SIRPB2: variants seen among roughly 807,000 people sequenced by gnomAD.
The protein encoded by SIRPB2 is signal-regulatory protein beta-2.
A neutral mutation model predicts 27.1 loss-of-function variants in SIRPB2; 18 were observed. The observed-to-expected ratio is 0.66, with a 90% confidence interval of 0.46 to 0.98. The LOEUF (loss-of-function observed/expected upper bound fraction) is 0.98, where lower values mean the gene tolerates loss of function less well. Ranked by LOEUF, SIRPB2 falls within the 50% of genes least tolerant of loss-of-function variation. The probability of loss-of-function intolerance (pLI) is 0.00; values close to 1 mark genes in which losing one functional copy is unlikely to be tolerated. For synonymous variants in SIRPB2, 150 were observed against 164.6 expected (o/e 0.91, Z 0.68); for missense variants, 420 against 417.4 (o/e 1.01, Z -0.06).
rs879068143 is a variant in SIRPB2 at position 1,476,195 on chromosome 20, G to C, written c.1001C>G (p.Thr334Ser). 6.2e-7 allele frequency: 1 copy of C among 1,614,058 alleles called. No homozygotes were observed. Among genetic ancestry groups the C allele is most frequent in the South Asian group, 1.1e-5 (1 of 91,068 alleles). ...CTCTTGACCCTTGCTCCATGCTAAGGTGTTCATGGCTCCTGCTGGGCCTGT... is the reference window on the plus strand; with the variant it reads ...CTCTTGACCCTTGCTCCATGCTAAGCTGTTCATGGCTCCTGCTGGGCCTGT... ...KTTGPAGAMNTLAWSKGQE is the reference protein window; with the variant it reads ...KTTGPAGAMNSLAWSKGQE Residue 334 changes from threonine (T) to serine (S), a missense_variant, in exon 5 of 5, where the codon ACC (threonine) becomes AGC (serine). Coordinates refer to ENST00000359801, the MANE Select transcript of SIRPB2 (RefSeq NM_001122962.2).
intron 1 of SIRPB2, among the ~76,000 whole-genome samples, chr20:1,480,687 C>G (rs2090663071): frequency 6.6e-6 from 1 of 152,130 alleles, no homozygotes; most frequent in African/African-American, 2.4e-5. Context: ...GACAAACCAG[C>G]CCTGCAGACA....
chr20:1,476,723 T>TG (rs2090609652), intron 4 of SIRPB2: 1 of 1,048,680 alleles, frequency 9.5e-7, no homozygotes, highest in African/African-American at 1.7e-5. Flanking sequence ...CCAGGCCGTC[T>TG]GGCCCCCATG....
At chr20:1,489,894 T>C (rs1222419585) in intron 1 of SIRPB2, among the ~76,000 whole-genome samples, 1 of 152,166 alleles carries the variant, frequency 6.6e-6, no homozygotes, top group Non-Finnish European at 1.5e-5. Context: ...CAAAAACTAT[T>C]GAGCAACACA....
In SIRPB2 at chr20:1,479,770, A is replaced by C. The variant is rs781677469; in HGVS notation, c.381T>G (p.Cys127Trp). ...VTREHTGTYH[C>W]VRFDGLSEHS... is the part of the protein sequence containing the mutation. ...GTTCACTCAAACCATCAAACCTCAC[A>C]CAGTGGTAGGTTCCAGTGTGCTCCC... Residue 127 changes from cysteine to tryptophan, a missense_variant, in exon 2 of 5, where the codon TGT becomes TGG. By Grantham distance (215) the Cys-to-Trp change is radical. Coordinates refer to ENST00000359801, the MANE Select transcript of SIRPB2 (RefSeq NM_001122962.2). 1 of 1,614,190 alleles carries C rather than the reference A, an allele frequency of 6.2e-7. No homozygotes were observed.
intron 2 of SIRPB2, 38 bp from the exon 3 acceptor site, chr20:1,478,645 C>T (rs764966552): frequency 8.8e-6 from 13 of 1,479,356 alleles, no homozygotes; most frequent in Non-Finnish European, 1.2e-5. Context: ...AATTCCCTCT[C>T]CTCTTCCATC....
chr20:1,472,367 A>G (rs1001212955), downstream of SIRPB2, among the ~76,000 whole-genome samples: 10 of 152,148 alleles, frequency 6.6e-5, no homozygotes, highest in African/African-American at 2.4e-4. Context: ...CTCCCCTGCC[A>G]TGTCCCTATA....
In SIRPB2 at chr20:1,491,252, G is replaced by A; in HGVS notation, c.85+23C>T. Reference sequence around the variant, plus strand: ...GACTGACCAGCCGGGGGTGGACCCTGTTCTATCCTAGACCCCACTTACCTG... The same window carrying A: ...GACTGACCAGCCGGGGGTGGACCCTATTCTATCCTAGACCCCACTTACCTG... On this transcript the variant is annotated intron_variant, in intron 1 of 4. Transcript: ENST00000359801. The A allele has an allele frequency of 3.1e-6, 5 of 1,601,380 alleles. 1 individual carries two copies. The highest frequency in any genetic ancestry group is 1.7e-4 in the Middle Eastern group (1 of 6,022).
rs374160845 is a variant in SIRPB2 at position 1,479,856 on chromosome 20, T to C, written c.295A>G (p.Ile99Val). The C allele has an allele frequency of 2.5e-6, 4 of 1,614,244 alleles. No individual in the cohort carries two copies. Among genetic ancestry groups the C allele is most frequent in the Non-Finnish European group, 3.4e-6 (4 of 1,180,054 alleles). ...RGSFPGVMPM[I>V]QRTSEPLNCD... ...TTCAGTGGTTCTGATGTCCGTTGGA[T>C]CATGGGCATTACCCCAGGGAAGGAG... Residue 99 changes from isoleucine (I) to valine (V), a missense_variant, in exon 2 of 5, where the codon ATC becomes GTC. Physicochemically the swap from Ile to Val is conservative, Grantham distance 29 (BLOSUM62 3). Transcript: ENST00000359801.
At chr20:1,476,558 A>G in intron 4 of SIRPB2, 1 of 391,138 alleles carries the variant, frequency 2.6e-6, no homozygotes, top group Non-Finnish European at 3.5e-6. Flanking sequence ...CATCTCAGTC[A>G]CATCCCTAAC....
chr20:1,486,270 G>A (rs998785206), intron 1 of SIRPB2, among the ~76,000 whole-genome samples: 3 of 151,522 alleles, frequency 2.0e-5, no homozygotes, highest in African/African-American at 2.4e-5. Context: ...GCAGGGTTTC[G>A]CCATGTTAGC....
At chr20:1,478,071 G>A (rs147380418) in intron 3 of SIRPB2, 195 bp downstream of exon 3, 1 of 700,214 alleles carries the variant, frequency 1.4e-6, no homozygotes, top group East Asian at 2.7e-5. Flanking sequence ...GTTTTACAGA[G>A]GAAGGGCCAT....
In SIRPB2 at chr20:1,476,186, C is replaced by G; in HGVS notation, c.1010G>C (p.Trp337Ser). Reference sequence around the variant, plus strand: ...GACCCCTCACTCTTGACCCTTGCTCCATGCTAAGGTGTTCATGGCTCCTGC... The same window carrying G: ...GACCCCTCACTCTTGACCCTTGCTCGATGCTAAGGTGTTCATGGCTCCTGC... ...GPAGAMNTLA[W>S]SKGQE is the part of the protein sequence containing the mutation. Residue 337 changes from tryptophan (W) to serine (S), a missense_variant, in exon 5 of 5, where the codon TGG (tryptophan) becomes TCG (serine). Transcript: ENST00000359801. 3.1e-6 allele frequency: 5 copies of G among 1,613,926 alleles called. No individual in the cohort carries two copies. The highest frequency in any genetic ancestry group is 4.2e-6 in the Non-Finnish European group (5 of 1,179,932).
At chr20:1,490,160 G>A (rs1436873076) in intron 1 of SIRPB2, among the ~76,000 whole-genome samples, 2 of 152,212 alleles carry the variant, frequency 1.3e-5, no homozygotes, top group Non-Finnish European at 2.9e-5. Context: ...ACACTCAAAA[G>A]TACCTGTGGA....
rs574894827 is a variant in SIRPB2, at chr20:1,475,321, C to T, written c.*846G>A. 7 of 152,192 alleles carry T rather than the reference C, an allele frequency of 4.6e-5. No homozygotes were observed. The highest frequency in any genetic ancestry group is 1.0e-4 in the Non-Finnish European group (7 of 68,052). The allele number at this position is 152,192 out of a possible 1,614,324, so 9.4% of individuals were successfully genotyped here. ...CCCTGATATCTGCCATCTGGTTTCT[C>T]TAGTGAAAACTTGCAGCTGGGCGCA... On this transcript the variant is annotated 3_prime_UTR_variant, in exon 5 of 5. Coordinates refer to ENST00000359801, the MANE Select transcript of SIRPB2 (RefSeq NM_001122962.2).
At chr20:1,486,054 T>A (rs2090722489) in intron 1 of SIRPB2, among the ~76,000 whole-genome samples, 1 of 147,576 alleles carries the variant, frequency 6.8e-6, no homozygotes, top group African/African-American at 2.5e-5. Context: ...ATTTTCCATA[T>A]CTTTTTCTTT....
chr20:1,487,665 G>C (rs954148722), intron 1 of SIRPB2, among the ~76,000 whole-genome samples: 1 of 152,170 alleles, frequency 6.6e-6, no homozygotes, highest in South Asian at 2.1e-4. Context: ...ATGAGGTCTC[G>C]CTATGTTTTC....
downstream of SIRPB2, among the ~76,000 whole-genome samples, chr20:1,471,464 C>T (rs1303197793): frequency 6.6e-6 from 1 of 152,196 alleles, no homozygotes; most frequent in African/African-American, 2.4e-5. Flanking sequence ...ATTAGAGTTA[C>T]AGGTAACCAA....
downstream of SIRPB2, chr20:1,473,975 G>A (rs866983507): frequency 1.2e-5 from 5 of 418,640 alleles, no homozygotes; most frequent in Admixed American, 2.6e-5. Context: ...GGCTCCAGGG[G>A]GAGAATTTCT....
downstream of SIRPB2, chr20:1,473,252 T>C (rs2090586883): frequency 1.3e-5 from 2 of 152,282 alleles, no homozygotes; most frequent in African/African-American, 4.8e-5. Flanking sequence ...CAGGATTCAA[T>C]GAGGGTGGCT....
Sources: allele counts gnomAD v4.1 joint callset (sites outside exome capture counted in the v4.1 genomes callset), GRCh38; gene constraint gnomAD v4.1.1; transcripts MANE v1.5; gene names NCBI Gene and HGNC (gene_info 2026-07-23, HGNC 2026-07-21).